The following PSG11 variants were observed in gnomAD, a reference collection of about 807,000 sequenced individuals.
The protein encoded by PSG11 is pregnancy-specific beta-1-glycoprotein 11.
PSG11 carries 42 observed loss-of-function variants against 36.0 expected under a neutral mutation model. That is an observed-to-expected ratio of 1.17 (90% confidence interval 0.91 to 1.51). The LOEUF (loss-of-function observed/expected upper bound fraction) is 1.51, where lower values mean the gene tolerates loss of function less well. Among genes scored for constraint, PSG11 ranks in the 40% most tolerant of loss-of-function variants. The probability of loss-of-function intolerance (pLI) is 0.00; values close to 1 mark genes in which losing one functional copy is unlikely to be tolerated. For missense variants in PSG11, 558 were observed against 403.5 expected, an observed-to-expected ratio of 1.38 and a Z score of -3.28; for synonymous variants, 206 against 153.5, an observed-to-expected ratio of 1.34 and a Z score of -2.53.
At chr19:43,021,021 A>T (rs2122820833) in intron 2 of PSG11, among the ~76,000 whole-genome samples, 1 of 151,490 alleles carries the variant, frequency 6.6e-6, no homozygotes, top group South Asian at 2.1e-4. Context: ...CATCATCATG[A>T]GGAAACAGTT....
intron 2 of PSG11, 189 bp downstream of exon 2, chr19:43,024,502 G>A: frequency 9.3e-7 from 1 of 1,079,238 alleles, no homozygotes; most frequent in South Asian, 1.5e-5. Flanking sequence ...GGGTCTGGAT[G>A]CGGGAAAGGA....
intron 2 of PSG11, among the ~76,000 whole-genome samples, chr19:43,020,866 A>G (rs1967085960): frequency 2.6e-5 from 4 of 151,396 alleles, no homozygotes; most frequent in Admixed American, 2.6e-4. Context: ...ACCCCAAAAC[A>G]GGTATGTGAA....
chr19:43,019,327 G>C (rs117796363), intron 2 of PSG11: 23,963 of 593,288 alleles, frequency 0.04, 781 homozygotes, highest in Non-Finnish European at 0.051. Context: ...CATAGCCCCT[G>C]GTGCCTCTCT....
intron 2 of PSG11, among the ~76,000 whole-genome samples, chr19:43,023,187 G>A (rs1218545302): frequency 1.3e-5 from 2 of 150,440 alleles, no homozygotes. Flanking sequence ...GTAGTGGGGG[G>A]ATGAAACATG....
In PSG11 at chr19:43,018,702, A is replaced by C. The variant is rs547149468; in HGVS notation, c.709+68T>G. On this transcript the variant is annotated intron_variant, in intron 3 of 5. Coordinates refer to ENST00000320078, the MANE Select transcript of PSG11 (RefSeq NM_002785.3). ...GTACTTGGACCTGAGAGGGACTGAG[A>C]GGCCTGGCCTCTGGCCATGTGTATT... 1,236 of 1,610,898 alleles carry C rather than the reference A, an allele frequency of 7.7e-4. 48 individuals are homozygous for C. In the African/African-American group the frequency reaches 0.015, roughly 19 times the overall value.
In PSG11 at chr19:43,026,453, C is replaced by G; in HGVS notation, c.-81G>C. The stretch of plus-strand genomic sequence containing the variant: ...TTCCAGAGCACGGCTGTCAGCTGTG[C>G]TGTCCTTCCTCCTTCTGCGCTGAGA... On this transcript the variant is annotated 5_prime_UTR_variant, in exon 1 of 6. Coordinates refer to ENST00000320078, the MANE Select transcript of PSG11 (RefSeq NM_002785.3). 1 of 1,552,046 alleles carries G rather than the reference C, an allele frequency of 6.4e-7. No homozygotes were observed. The highest frequency in any genetic ancestry group is 8.8e-7 in the Non-Finnish European group (1 of 1,140,274).
chr19:43,015,704 G>T (rs1225283663), intron 3 of PSG11: 2 of 1,593,916 alleles, frequency 1.3e-6, no homozygotes, highest in African/African-American at 1.4e-5. Flanking sequence ...GAGACTGAGA[G>T]GCCTGGCCCC....
chr19:43,011,582 A>C (rs563783829), intron 4 of PSG11, among the ~76,000 whole-genome samples: 32 of 151,490 alleles, frequency 2.1e-4, no homozygotes, highest in South Asian at 4.2e-4. Context: ...GTTTAAAATT[A>C]CTCAAATCAG....
At chr19:43,011,174 A>G (rs563743381) in intron 4 of PSG11, among the ~76,000 whole-genome samples, 3 of 151,304 alleles carry the variant, frequency 2.0e-5, no homozygotes, top group East Asian at 1.9e-4. Flanking sequence ...AGTAGCTGAC[A>G]TTGGTTCCTC....
intron 4 of PSG11, among the ~76,000 whole-genome samples, chr19:43,012,620 G>T (rs1027602597): frequency 1.3e-5 from 2 of 151,292 alleles, no homozygotes; most frequent in African/African-American, 2.4e-5. Flanking sequence ...GCAAAATATT[G>T]CTGAAAGAAA....
At chr19:43,021,246 C>T (rs1967094681) in intron 2 of PSG11, among the ~76,000 whole-genome samples, 1 of 151,246 alleles carries the variant, frequency 6.6e-6, no homozygotes, top group African/African-American at 2.4e-5. Flanking sequence ...TTTGGACTTT[C>T]CTGTTTCAGT....
At chr19:43,008,677 A>C (rs990310765) in intron 5 of PSG11, among the ~76,000 whole-genome samples, 6 of 151,418 alleles carry the variant, frequency 4.0e-5, no homozygotes, top group East Asian at 1.9e-4. Flanking sequence ...TGTAATATAT[A>C]AAATAAGGTG....
intron 1 of PSG11, 58 bp downstream of exon 1, chr19:43,026,251 C>T: frequency 6.2e-7 from 1 of 1,603,958 alleles, no homozygotes; most frequent in African/African-American, 1.4e-5. Context: ...CTCCAGGAGA[C>T]CCCATCCAGT....
At chr19:43,025,683 G>T (rs1430864764) in intron 1 of PSG11, among the ~76,000 whole-genome samples, 1 of 143,734 alleles carries the variant, frequency 7.0e-6, no homozygotes, top group African/African-American at 2.6e-5. Context: ...AATTGTTGAG[G>T]TTTTTTATTG....
chr19:43,019,156 C>T (rs1244777797), intron 2 of PSG11, 108 bp from the exon 3 acceptor site: 8 of 1,532,676 alleles, frequency 5.2e-6, no homozygotes, highest in African/African-American at 4.2e-5. Context: ...ACCCGAGTCC[C>T]TAAAAGCCCA....
intron 3 of PSG11, chr19:43,016,065 A>C: frequency 6.3e-7 from 1 of 1,597,688 alleles, no homozygotes; most frequent in South Asian, 1.1e-5. Flanking sequence ...TAACAGAGAG[A>C]AGATTGTCCT....
chr19:43,025,342 G>C (rs1338645708), intron 1 of PSG11: 2 of 462,164 alleles, frequency 4.3e-6, no homozygotes, highest in Admixed American at 7.5e-5. Flanking sequence ...CTTCCCCAGG[G>C]GTCCGCATGG....
At chr19:43,015,657 T>C (rs1179282189) in intron 3 of PSG11, 2 of 1,533,116 alleles carry the variant, frequency 1.3e-6, no homozygotes, top group Admixed American at 2.0e-5. Flanking sequence ...CCACCTCGGA[T>C]GTCCAAAAGT....
Position 43,023,202 on chromosome 19 carries a change from TC to T in PSG11, c.430+1488del, listed in dbSNP as rs530401276. ...GTAGTGGGGGGATGAAACATGGGTGTCAGCCTCTGAAGGACAAGGGACAGGT... is the reference window on the plus strand; with the variant it reads ...GTAGTGGGGGGATGAAACATGGGTGTAGCCTCTGAAGGACAAGGGACAGGT... On this transcript the variant is annotated intron_variant, in intron 2 of 5. Transcript: ENST00000320078. 6.1e-3 allele frequency among the ~76,000 whole-genome samples: 913 copies of T among 150,552 alleles called. 27 individuals are homozygous for T. Among genetic ancestry groups the T allele is most frequent in the African/African-American group, 0.021 (864 of 40,670 alleles).
Sources: gnomAD v4.1 joint callset for allele counts (sites outside exome capture counted in the v4.1 genomes callset) on GRCh38, gnomAD v4.1.1 for gene constraint, MANE v1.5 for transcripts, NCBI Gene and HGNC (gene_info 2026-07-23, HGNC 2026-07-21) for gene names.